DPYD: variants seen among roughly 807,000 people sequenced by gnomAD.
DPYD encodes the protein dihydropyrimidine dehydrogenase [NADP(+)].
Under a neutral mutation model 116.2 loss-of-function variants are expected in DPYD, and 109 were observed. The ratio of observed to expected loss-of-function variants is 0.94; its 90% CI spans 0.80 to 1.10. The LOEUF (loss-of-function observed/expected upper bound fraction) is 1.10. Among genes scored for constraint, DPYD ranks in the 50% least tolerant of loss-of-function variants. The pLI is 0.00. For missense variants in DPYD, 1,302 were observed against 1,254.5 expected, an observed-to-expected ratio of 1.04 and a Z score of -0.57; for synonymous variants, 440 against 432.0, an observed-to-expected ratio of 1.02 and a Z score of -0.23.
In DPYD at chr1:97,730,963, T is replaced by C. The variant is rs1206430948; in HGVS notation, c.322-9292A>G. On this transcript the variant is annotated intron_variant, in intron 4 of 22. Coordinates refer to ENST00000370192, the MANE Select transcript of DPYD (RefSeq NM_000110.4). ...CACAGCTTGCAAGCAAATGAGAATCTTTAAGTTTGAGAAATTATTGAAAGG... is the reference window on the plus strand; with the variant it reads ...CACAGCTTGCAAGCAAATGAGAATCCTTAAGTTTGAGAAATTATTGAAAGG... Among the ~76,000 whole-genome samples, 5 of 152,200 alleles carry C rather than the reference T, an allele frequency of 3.3e-5. No homozygotes were observed. In the East Asian group the frequency reaches 9.6e-4, roughly 29 times the overall value.
At chr1:97,363,192 C>T (rs1670838589) in intron 16 of DPYD, among the ~76,000 whole-genome samples, 1 of 152,122 alleles carries the variant, frequency 6.6e-6, no homozygotes, top group South Asian at 2.1e-4. Context: ...GCCACAGACA[C>T]ATGAAAAAAT....
intron 16 of DPYD, among the ~76,000 whole-genome samples, chr1:97,338,452 T>C (rs1669414203): frequency 1.3e-5 from 2 of 152,012 alleles, no homozygotes; most frequent in Non-Finnish European, 2.9e-5. Flanking sequence ...ATATAGCAGA[T>C]TCCTTGGCCA....
intron 18 of DPYD, among the ~76,000 whole-genome samples, chr1:97,303,351 C>T (rs1666972462): frequency 1.3e-5 from 2 of 151,978 alleles, no homozygotes; most frequent in African/African-American, 4.8e-5. Flanking sequence ...TAGCACTGTG[C>T]TATGGTAAAT....
intron 20 of DPYD, among the ~76,000 whole-genome samples, chr1:97,122,569 T>C (rs1652534817): frequency 6.6e-6 from 1 of 152,160 alleles, no homozygotes; most frequent in African/African-American, 2.4e-5. Flanking sequence ...TTAATCTGAA[T>C]GGTTAAGAAT....
intron 3 of DPYD, among the ~76,000 whole-genome samples, chr1:97,742,469 T>C (rs1398743573): frequency 6.6e-6 from 1 of 152,156 alleles, no homozygotes; most frequent in East Asian, 1.9e-4. Flanking sequence ...AATGTAGTCA[T>C]TAAACCTCTT....
chr1:97,745,456 C>A (rs576230954), intron 3 of DPYD, among the ~76,000 whole-genome samples: 1 of 152,200 alleles, frequency 6.6e-6, no homozygotes, highest in African/African-American at 2.4e-5. Flanking sequence ...ACAATTCACA[C>A]AACTGATGCT....
intron 13 of DPYD, among the ~76,000 whole-genome samples, chr1:97,477,689 C>T (rs956593439): frequency 1.4e-4 from 21 of 147,788 alleles, no homozygotes; most frequent in African/African-American, 5.2e-4. Context: ...GGCGCAATCT[C>T]GGCTCACTGC....
intron 20 of DPYD, among the ~76,000 whole-genome samples, chr1:97,138,967 T>C (rs1654004315): frequency 1.3e-5 from 2 of 152,290 alleles, no homozygotes; most frequent in African/African-American, 4.8e-5. Context: ...GTAGTAAATA[T>C]TACCTATCAA....
At chr1:97,307,981 C>T (rs1375359370) in intron 16 of DPYD, among the ~76,000 whole-genome samples, 3 of 151,812 alleles carry the variant, frequency 2.0e-5, no homozygotes, top group African/African-American at 7.3e-5. Context: ...ACTTGAATGG[C>T]ATAATACATG....
At chr1:97,890,829 T>C (rs1238323033) in intron 1 of DPYD, among the ~76,000 whole-genome samples, 3 of 152,024 alleles carry the variant, frequency 2.0e-5, no homozygotes, top group Non-Finnish European at 4.4e-5. Flanking sequence ...TGTTTATCTA[T>C]GTCAGCATAG....
intron 13 of DPYD, among the ~76,000 whole-genome samples, chr1:97,470,684 C>T (rs576188369): frequency 6.6e-6 from 1 of 152,256 alleles, no homozygotes; most frequent in Non-Finnish European, 1.5e-5. Context: ...TACAGTTAGA[C>T]CTACAAAAGA....
At chr1:97,850,716 G>A (rs1670528421) in intron 2 of DPYD, among the ~76,000 whole-genome samples, 1 of 151,492 alleles carries the variant, frequency 6.6e-6, no homozygotes, top group Non-Finnish European at 1.5e-5. Context: ...GTCATCTATA[G>A]AATTCGGTCA....
intron 19 of DPYD, among the ~76,000 whole-genome samples, chr1:97,203,681 A>G (rs1432332586): frequency 3.1e-4 from 42 of 133,746 alleles, no homozygotes; most frequent in African/African-American, 1.1e-3. Flanking sequence ...CCCCAAAAAA[A>G]AAAAAAGAGA....
chr1:97,499,364 A>T (rs1357392395), intron 13 of DPYD, among the ~76,000 whole-genome samples: 5 of 151,824 alleles, frequency 3.3e-5, no homozygotes, highest in Non-Finnish European at 5.9e-5. Context: ...TTTATTTTAC[A>T]TCCATTTTTA....
rs564323036 is a variant in DPYD at position 97,524,608 on chromosome 1, C to A, written c.1525-8667G>T. 1.4e-3 allele frequency among the ~76,000 whole-genome samples: 208 copies of A among 152,294 alleles called. 3 individuals are homozygous for A. The highest frequency in any genetic ancestry group is 4.6e-3 in the South Asian group (22 of 4,828). On this transcript the variant is annotated intron_variant, in intron 12 of 22. Transcript: ENST00000370192. ...ACCGATATATAACCCAAGAATATTT[C>A]TGGATGTTTCAGTTACTGAGCATCC...
intron 18 of DPYD, 32 bp downstream of exon 18, chr1:97,305,227 A>G (rs1396049608): frequency 1.2e-6 from 2 of 1,611,430 alleles, no homozygotes; most frequent in Non-Finnish European, 1.7e-6. Flanking sequence ...AACCTCCAAG[A>G]AAGCACAATG....
At chr1:97,885,956 A>C (rs1262178677) in intron 1 of DPYD, among the ~76,000 whole-genome samples, 1 of 69,392 alleles carries the variant, frequency 1.4e-5, no homozygotes, top group Non-Finnish European at 3.7e-5. Context: ...GACCATTAAG[A>C]GGTCACCTCT....
At chr1:97,316,084 G>C (rs7512040) in intron 16 of DPYD, among the ~76,000 whole-genome samples, 4 of 151,766 alleles carry the variant, frequency 2.6e-5, no homozygotes, top group Non-Finnish European at 5.9e-5. Flanking sequence ...CTTTGTGTCC[G>C]CAAGACAAAA....
At chr1:97,109,679 T>A (rs1651448970) in intron 20 of DPYD, among the ~76,000 whole-genome samples, 1 of 152,094 alleles carries the variant, frequency 6.6e-6, no homozygotes, top group South Asian at 2.1e-4. Context: ...TAATCCCTTT[T>A]ACAGCACAGG....
Sources: allele counts gnomAD v4.1 joint callset (sites outside exome capture counted in the v4.1 genomes callset), GRCh38; gene constraint gnomAD v4.1.1; transcripts MANE v1.5; gene names NCBI Gene and HGNC (gene_info 2026-07-23, HGNC 2026-07-21).